CEP128: variants seen among roughly 807,000 people sequenced by gnomAD.
The protein encoded by CEP128 is centrosomal protein 128kDa.
Under a neutral mutation model 156.7 loss-of-function variants are expected in CEP128, and 132 were observed. The ratio of observed to expected loss-of-function variants is 0.84; its 90% CI spans 0.73 to 0.97. CEP128 has a LOEUF of 0.97. Ranked by LOEUF, CEP128 falls within the 50% of genes least tolerant of loss-of-function variation. CEP128 has a pLI of 0.00. For synonymous variants in CEP128, 469 were observed against 448.9 expected (o/e 1.04, Z -0.57); for missense variants, 1,252 against 1,281.9 (o/e 0.98, Z 0.36).
At chr14:80,579,350 G>A (rs1295754593) in intron 20 of CEP128, among the ~76,000 whole-genome samples, 1 of 150,252 alleles carries the variant, frequency 6.7e-6, no homozygotes, top group African/African-American at 2.5e-5. Flanking sequence ...TTTTATACCT[G>A]AATATAGTAC....
intron 13 of CEP128, among the ~76,000 whole-genome samples, chr14:80,807,161 A>T (rs912110961): frequency 1.3e-5 from 2 of 152,126 alleles, no homozygotes; most frequent in Non-Finnish European, 2.9e-5. Flanking sequence ...AAAATGCATC[A>T]ACACCTTCCC....
chr14:80,602,572 C>T (rs898251564), intron 19 of CEP128, among the ~76,000 whole-genome samples: 4 of 152,080 alleles, frequency 2.6e-5, no homozygotes, highest in African/African-American at 9.7e-5. Flanking sequence ...GAGATTGAGA[C>T]CATCCTGGCT....
chr14:80,877,975 C>T (rs1470256268), intron 8 of CEP128, among the ~76,000 whole-genome samples: 1 of 152,088 alleles, frequency 6.6e-6, no homozygotes, highest in Admixed American at 6.5e-5. Context: ...CCTCAGACCT[C>T]CTACATACCA....
intron 13 of CEP128, among the ~76,000 whole-genome samples, chr14:80,819,121 C>G (rs1885022230): frequency 6.6e-6 from 1 of 151,946 alleles, no homozygotes; most frequent in Non-Finnish European, 1.5e-5. Context: ...AATCAAAGAT[C>G]TGAATACTAT....
At chr14:80,959,267 G>A (rs1886888021) in intron 1 of CEP128, among the ~76,000 whole-genome samples, 1 of 152,124 alleles carries the variant, frequency 6.6e-6, no homozygotes, top group Non-Finnish European at 1.5e-5. Context: ...TCTTTGATGT[G>A]TAGGTAGTTT....
intron 14 of CEP128, among the ~76,000 whole-genome samples, chr14:80,791,929 T>G (rs1457075400): frequency 6.6e-6 from 1 of 152,230 alleles, no homozygotes; most frequent in Non-Finnish European, 1.5e-5. Flanking sequence ...CTTATCCAAA[T>G]GATTATTCTT....
At chr14:80,480,161 C>T (rs1887023175) in intron 14 of CEP128, among the ~76,000 whole-genome samples, 2 of 152,158 alleles carry the variant, frequency 1.3e-5, no homozygotes, top group South Asian at 4.1e-4. Flanking sequence ...GCCCTCTTCT[C>T]ACAGCTCCAC....
chr14:80,847,663 C>T (rs1886677103), intron 9 of CEP128, among the ~76,000 whole-genome samples: 1 of 152,130 alleles, frequency 6.6e-6, no homozygotes, highest in Non-Finnish European at 1.5e-5. Flanking sequence ...AGCAAAAATG[C>T]CACCTCTCTC....
chr14:80,570,747 T>TA (rs138341474), intron 20 of CEP128, among the ~76,000 whole-genome samples: 25,276 of 151,974 alleles, frequency 0.17, 2,382 homozygotes, highest in East Asian at 0.21. Context: ...TTCTTTTTTT[T>TA]ATTAGCATCA....
intron 16 of CEP128, among the ~76,000 whole-genome samples, chr14:80,775,362 TATAAA>T (rs2139757319): frequency 6.6e-6 from 1 of 152,334 alleles, no homozygotes; most frequent in Non-Finnish European, 1.5e-5. Flanking sequence ...CATAGCTAAC[TATAAA>T]TGGATCAACA....
Position 80,723,898 on chromosome 14 carries a change from G to A in CEP128, c.2806+19177C>T, listed in dbSNP as rs138750971. Among the ~76,000 whole-genome samples the A allele has an allele frequency of 9.3e-4, 142 of 152,326 alleles. 1 individual carries two copies. The highest frequency in any genetic ancestry group is 3.3e-3 in the African/African-American group (138 of 41,572). On this transcript the variant is annotated intron_variant, in intron 19 of 24. Coordinates refer to ENST00000555265, the MANE Select transcript of CEP128 (RefSeq NM_152446.5). ...AGCTATTGCTGAAACCTTACACAGT[G>A]TCCTGGGAAGTTTTAGCAAATAGTA...
At chr14:80,898,078 T>A (rs925766568) in intron 7 of CEP128, among the ~76,000 whole-genome samples, 1 of 152,178 alleles carries the variant, frequency 6.6e-6, no homozygotes, top group African/African-American at 2.4e-5. Context: ...CTGTGCCCGG[T>A]CCAAATCAAT....
At chr14:80,597,589 A>ATAC (rs1892385548) in intron 19 of CEP128, among the ~76,000 whole-genome samples, 1 of 151,920 alleles carries the variant, frequency 6.6e-6, no homozygotes, top group South Asian at 2.1e-4. Context: ...TTTCAATACC[A>ATAC]AAAACAATAG....
intron 18 of CEP128, among the ~76,000 whole-genome samples, chr14:80,755,089 C>G (rs1054525386): frequency 6.6e-6 from 1 of 152,110 alleles, no homozygotes; most frequent in Non-Finnish European, 1.5e-5. Context: ...TGGGCACAAT[C>G]TAATCAGCTG....
chr14:80,871,482 C>T (rs965038223), intron 8 of CEP128, among the ~76,000 whole-genome samples: 1 of 152,032 alleles, frequency 6.6e-6, no homozygotes, highest in Non-Finnish European at 1.5e-5. Flanking sequence ...ACCAGCTTAA[C>T]GTGCTGGATG....
At chr14:80,585,333 G>A (rs1485712298) in intron 19 of CEP128, among the ~76,000 whole-genome samples, 1 of 152,196 alleles carries the variant, frequency 6.6e-6, no homozygotes, top group Non-Finnish European at 1.5e-5. Flanking sequence ...GGCTGTTTAA[G>A]GAGGTTTGAC....
rs1184509980 is a variant in CEP128 at position 80,496,888 on chromosome 14, G to A, written c.*591C>T. On this transcript the variant is annotated 3_prime_UTR_variant, in exon 25 of 25. Transcript: ENST00000555265. Reference sequence around the variant, plus strand: ...TGAATTCTTTATTGCTATTAAAAATGGATGATTGGAAATAATTTTCAGCTA... The same window carrying A: ...TGAATTCTTTATTGCTATTAAAAATAGATGATTGGAAATAATTTTCAGCTA... 6.6e-6 allele frequency: 1 copy of A among 152,200 alleles called. No individual in the cohort carries two copies. Among genetic ancestry groups the A allele is most frequent in the African/African-American group, 2.4e-5 (1 of 41,428 alleles). The allele number at this position is 152,200 out of a possible 1,614,324, so 9.4% of individuals were successfully genotyped here. A position where few individuals can be genotyped will look rare whatever the true frequency, so the allele number is the denominator to read the frequency against.
intron 21 of CEP128, among the ~76,000 whole-genome samples, chr14:80,557,096 G>A (rs1890468345): frequency 6.6e-6 from 1 of 151,950 alleles, no homozygotes; most frequent in Admixed American, 6.6e-5. Context: ...TTTTCCCATG[G>A]TGACTTTTTA....
intron 9 of CEP128, among the ~76,000 whole-genome samples, chr14:80,852,751 C>T (rs938236912): frequency 6.6e-6 from 1 of 151,378 alleles, no homozygotes; most frequent in Non-Finnish European, 1.5e-5. Flanking sequence ...ATAGATAATC[C>T]CTCTCTTACA....
Sources: allele counts gnomAD v4.1 joint callset (sites outside exome capture counted in the v4.1 genomes callset), GRCh38; gene constraint gnomAD v4.1.1; transcripts MANE v1.5; gene names NCBI Gene and HGNC (gene_info 2026-07-23, HGNC 2026-07-21).